The following HMX1 variants were observed in gnomAD, a reference collection of about 807,000 sequenced individuals.
HMX1 encodes the protein homeobox protein HMX1.
A neutral mutation model predicts 8.9 loss-of-function variants in HMX1; 8 were observed. The ratio of observed to expected loss-of-function variants is 0.90; its 90% CI spans 0.53 to 1.63. The LOEUF is 1.63. Among genes scored for constraint, HMX1 ranks in the 40% most tolerant of loss-of-function variants. HMX1 has a pLI of 0.00. For synonymous variants in HMX1, 311 were observed against 283.4 expected, an observed-to-expected ratio of 1.10 and a Z score of -0.98; for missense variants, 621 against 558.5, an observed-to-expected ratio of 1.11 and a Z score of -1.13.
Position 8,849,773 on chromosome 4 carries a change from G to C in HMX1, c.395-3449C>G, listed in dbSNP as rs1259380653. Among the ~76,000 whole-genome samples the C allele has an allele frequency of 6.6e-6, 1 of 152,208 alleles. No homozygotes were observed. The stretch of plus-strand genomic sequence containing the variant: ...TGCTGGGTAGGGCAGGAAGAAATGG[G>C]GACCCTCACAGGAGGTCTCTGAGCT... On this transcript the variant is annotated intron_variant, in intron 1 of 1. Transcript: ENST00000506970. This position sits in a 1 kb window ranked among gnomAD's most constrained non-coding sequence, Gnocchi z 6.6.
At chr4:8,855,162 G>A (rs1445173194) in intron 1 of HMX1, among the ~76,000 whole-genome samples, 2 of 152,232 alleles carry the variant, frequency 1.3e-5, no homozygotes, top group Non-Finnish European at 2.9e-5. Context: ...TCAGGCTCCT[G>A]CTCCAGCCTC....
At position 8,870,665 on chromosome 4, in the gene HMX1, A is replaced by G. The variant is rs1404415651; in HGVS notation, c.394+556T>C. Among the ~76,000 whole-genome samples the G allele has an allele frequency of 3.1e-5, 4 of 129,292 alleles. No homozygotes were observed. Among genetic ancestry groups the G allele is most frequent in the Non-Finnish European group, 6.5e-5 (4 of 61,178 alleles). 84.8% of individuals were successfully genotyped at this position (129,292 alleles called of 152,430 possible). A position where few individuals can be genotyped will look rare whatever the true frequency, so the allele number is the denominator to read the frequency against. On this transcript the variant is annotated intron_variant, in intron 1 of 1. Transcript: ENST00000400677. This position sits in a 1 kb window ranked among gnomAD's most constrained non-coding sequence, Gnocchi z 4.4. ...CTCCCCTCCCCGGCCCCACCCCCAC[A>G]ACACTGCACCCTCTGCTCAATGCCC...
Position 8,871,404 on chromosome 4 carries a change from A to T in HMX1, c.211T>A (p.Leu71Met). The change falls in exon 1 of 2, where the codon TTG becomes ATG. Residue 71 changes from leucine (L) to methionine (M), a missense_variant. By Grantham distance (15) the Leu-to-Met change is conservative (BLOSUM62 2). Transcript: ENST00000400677. This position sits in a 1 kb window ranked among gnomAD's most constrained non-coding sequence, Gnocchi z 4.8. ...CCGCCGGGCCCGGTGCCCGCGAGCA[A>T]CTGTCGCCGCCGCTGTAGCCGTCGC... Reference protein sequence around the residue: ...RRRRLQRRRQLLAGTGPGGEA... With the variant: ...RRRRLQRRRQMLAGTGPGGEA... 7.9e-7 allele frequency: 1 copy of T among 1,264,132 alleles called. No homozygotes were observed. The highest frequency in any genetic ancestry group is 1.0e-6 in the Non-Finnish European group (1 of 998,466). 78.3% of individuals were successfully genotyped at this position (1,264,132 alleles called of 1,614,324 possible). A position where few individuals can be genotyped will look rare whatever the true frequency, so the allele number is the denominator to read the frequency against.
rs938557594 is a variant in HMX1, at chr4:8,868,711, C to G, written c.395-366G>C. ...GAGCACTCCCCACTCCCAGCTGCACCACGGGCGGCCCGGAAAAACACACAA... is the reference window on the plus strand; with the variant it reads ...GAGCACTCCCCACTCCCAGCTGCACGACGGGCGGCCCGGAAAAACACACAA... On this transcript the variant is annotated intron_variant, in intron 1 of 1. Transcript: ENST00000400677. The surrounding 1 kb of genome is among the most constrained non-coding windows in gnomAD (Gnocchi z 4.6). 5.9e-5 allele frequency among the ~76,000 whole-genome samples: 9 copies of G among 152,174 alleles called. No individual in the cohort carries two copies. The highest frequency in any genetic ancestry group is 1.0e-4 in the Non-Finnish European group (7 of 68,032).
intron 1 of HMX1, among the ~76,000 whole-genome samples, chr4:8,850,544 T>C (rs1721415018): frequency 6.6e-6 from 1 of 152,094 alleles, no homozygotes; most frequent in Non-Finnish European, 1.5e-5. Flanking sequence ...GCCAGCTCCC[T>C]GGACTCCAGG....
downstream of HMX1, chr4:8,866,944 G>T: frequency 2.3e-6 from 1 of 430,924 alleles, no homozygotes; most frequent in Non-Finnish European, 3.1e-6. Flanking sequence ...CCAGCCCTGG[G>T]CTCCAGGTGT....
Position 8,850,443 on chromosome 4 carries a change from C to T in HMX1, c.395-4119G>A, listed in dbSNP as rs1721411672. 2.0e-5 allele frequency among the ~76,000 whole-genome samples: 3 copies of T among 152,256 alleles called. No homozygotes were observed. In the South Asian group the frequency reaches 6.2e-4, roughly 32 times the overall value. On this transcript the variant is annotated intron_variant, in intron 1 of 1. Transcript: ENST00000506970. ...TGGCCCCTCCAAGCACTGTCCCTTA[C>T]CCTGACCTCGGGCTGCAGGATTAAG...
In HMX1 at chr4:8,868,645, G is replaced by C. The variant is rs916838568; in HGVS notation, c.395-300C>G. On this transcript the variant is annotated intron_variant, in intron 1 of 1. Transcript: ENST00000400677. This position sits in a 1 kb window ranked among gnomAD's most constrained non-coding sequence, Gnocchi z 4.6. ...ACAAAGGGATGCAGAGCAAAGAAAA[G>C]AAACAAAAATACTACACAAGAAAAG... Among the ~76,000 whole-genome samples the C allele has an allele frequency of 2.3e-4, 35 of 152,028 alleles. 1 individual carries two copies. Among genetic ancestry groups the C allele is most frequent in the Non-Finnish European group, 2.4e-4 (16 of 68,004 alleles).
Position 8,871,634 on chromosome 4 carries a change from G to A in HMX1, c.-20C>T. ...AGGCATCGCGGCCGCGGGCTTCTCG[G>A]GCTCGGCCGGGCTCCTCGGTCCCCG... On this transcript the variant is annotated 5_prime_UTR_variant, in exon 1 of 2. Coordinates refer to ENST00000400677, the MANE Select transcript of HMX1 (RefSeq NM_018942.3). This position sits in a 1 kb window ranked among gnomAD's most constrained non-coding sequence, Gnocchi z 4.8. 2 of 1,237,672 alleles carry A rather than the reference G, an allele frequency of 1.6e-6. No homozygotes were observed. The highest frequency in any genetic ancestry group is 1.0e-6 in the Non-Finnish European group (1 of 991,692). 76.7% of individuals were successfully genotyped at this position (1,237,672 alleles called of 1,614,324 possible).
downstream of HMX1, among the ~76,000 whole-genome samples, chr4:8,865,313 C>T (rs1008151044): frequency 1.3e-5 from 2 of 152,216 alleles, no homozygotes; most frequent in East Asian, 1.9e-4. Flanking sequence ...CTTCAATGAC[C>T]CCCTTCTAAT....
chr4:8,870,822 C>T lies in HMX1; in HGVS notation c.394+399G>A, dbSNP rs1439347058. ...CCCTCCCCCCACCCCATTCTCTCTC[C>T]CGCAGCACATTCCTTTCTTCCTCCA... On this transcript the variant is annotated intron_variant, in intron 1 of 1. Transcript: ENST00000400677. The surrounding 1 kb of genome is among the most constrained non-coding windows in gnomAD (Gnocchi z 4.4). Among the ~76,000 whole-genome samples, 1 of 128,216 alleles carries T rather than the reference C, an allele frequency of 7.8e-6. No homozygotes were observed. The highest frequency in any genetic ancestry group is 1.6e-5 in the Non-Finnish European group (1 of 62,134). The allele number at this position is 128,216 out of a possible 152,430, so 84.1% of individuals were successfully genotyped here. A position where few individuals can be genotyped will look rare whatever the true frequency, so the allele number is the denominator to read the frequency against.
rs1721303967 is a variant in HMX1 at position 8,847,258 on chromosome 4, A to T, written c.395-934T>A. Among the ~76,000 whole-genome samples, 1 of 152,032 alleles carries T rather than the reference A, an allele frequency of 6.6e-6. No homozygotes were observed. The highest frequency in any genetic ancestry group is 2.4e-5 in the African/African-American group (1 of 41,374). ...AGTCCAGCCTGAGTAACGTAGCAAG[A>T]CTCTGTCTTTAAAAATTAAAAAAAA... On this transcript the variant is annotated intron_variant, in intron 1 of 1. Coordinates refer to the HMX1 transcript ENST00000506970. This position sits in a 1 kb window ranked among gnomAD's most constrained non-coding sequence, Gnocchi z 6.0.
At chr4:8,856,803 C>A (rs559743550) in intron 1 of HMX1, among the ~76,000 whole-genome samples, 3 of 152,312 alleles carry the variant, frequency 2.0e-5, no homozygotes, top group African/African-American at 7.2e-5. Flanking sequence ...TTATCAAAAA[C>A]TCTGGTCGGG....
rs959797775 is a variant in HMX1 at position 8,849,668 on chromosome 4, C to A, written c.395-3344G>T. ...TCTCCTGGGGTCCCCCCGGCCCCAG[C>A]GTGCGGTCTTCAACTGTCATCAGGC... On this transcript the variant is annotated intron_variant, in intron 1 of 1. Coordinates refer to the HMX1 transcript ENST00000506970. This position sits in a 1 kb window ranked among gnomAD's most constrained non-coding sequence, Gnocchi z 6.6. Among the ~76,000 whole-genome samples, 2 of 152,214 alleles carry A rather than the reference C, an allele frequency of 1.3e-5. No homozygotes were observed. The highest frequency in any genetic ancestry group is 1.3e-4 in the Admixed American group (2 of 15,288).
At position 8,847,776 on chromosome 4, in the gene HMX1, T is replaced by G. The variant is rs1721321415; in HGVS notation, c.395-1452A>C. ...CCTGCATACAGTTGGTACTCTGTAA[T>G]TGCTTTCTGGACACAAGAATAAAGA... is the stretch of plus-strand genomic sequence containing the variant. On this transcript the variant is annotated intron_variant, in intron 1 of 1. Coordinates refer to the HMX1 transcript ENST00000506970. The surrounding 1 kb of genome is among the most constrained non-coding windows in gnomAD (Gnocchi z 6.0). Among the ~76,000 whole-genome samples, 1 of 152,196 alleles carries G rather than the reference T, an allele frequency of 6.6e-6. No individual in the cohort carries two copies. Among genetic ancestry groups the G allele is most frequent in the African/African-American group, 2.4e-5 (1 of 41,450 alleles).
At chr4:8,846,198 C>A (rs1032362646) in exon 2 of HMX1, 1 of 1,421,044 alleles carries the variant, frequency 7.0e-7, no homozygotes, top group South Asian at 1.2e-5. Flanking sequence ...GCTGCACCAT[C>A]CAGTCCCTGC....
chr4:8,865,622 C>G (rs561348230), downstream of HMX1, among the ~76,000 whole-genome samples: 1 of 151,954 alleles, frequency 6.6e-6, no homozygotes, highest in African/African-American at 2.4e-5. Context: ...GAGCCTGAGT[C>G]AGGGGTGCGA....
rs1722109837 is a variant in HMX1 at position 8,868,589 on chromosome 4, A to C, written c.395-244T>G. Among the ~76,000 whole-genome samples the C allele has an allele frequency of 6.6e-6, 1 of 152,150 alleles. No homozygotes were observed. The highest frequency in any genetic ancestry group is 2.4e-5 in the African/African-American group (1 of 41,432). On this transcript the variant is annotated intron_variant, in intron 1 of 1. Transcript: ENST00000400677. This position sits in a 1 kb window ranked among gnomAD's most constrained non-coding sequence, Gnocchi z 4.6. ...AACACACCAACACCCCGCAACACAC[A>C]AACACAAACGCACACCCATGCCAGA...
chr4:8,856,697 G>A (rs2109458869), intron 1 of HMX1, among the ~76,000 whole-genome samples: 1 of 152,272 alleles, frequency 6.6e-6, no homozygotes, highest in South Asian at 2.1e-4. Flanking sequence ...GGAGGGGAGG[G>A]AGGCTTTCCA....
Sources: gnomAD v4.1 joint callset for allele counts (sites outside exome capture counted in the v4.1 genomes callset) on GRCh38, gnomAD v4.1.1 for gene constraint, Gnocchi (gnomAD v3.1) non-coding constraint, MANE v1.5 for transcripts, NCBI Gene and HGNC (gene_info 2026-07-23, HGNC 2026-07-21) for gene names.